AGTPBP1: variants seen among roughly 807,000 people sequenced by gnomAD.
The protein encoded by AGTPBP1 is ATP/GTP binding carboxypeptidase 1, also known as cytosolic carboxypeptidase 1.
In AGTPBP1, 70 loss-of-function variants were observed where a neutral mutation model predicts 143.9. That is an observed-to-expected ratio of 0.49 (90% CI 0.40 to 0.59). The LOEUF (loss-of-function observed/expected upper bound fraction) is 0.59, where lower values mean the gene tolerates loss of function less well. Ranked by LOEUF, AGTPBP1 falls within the 20% of genes least tolerant of loss-of-function variation. The pLI is 0.00. For synonymous variants in AGTPBP1, 463 were observed against 500.2 expected, an observed-to-expected ratio of 0.93 and a Z score of 0.99; for missense variants, 1,229 against 1,464.5, an observed-to-expected ratio of 0.84 and a Z score of 2.62.
intron 2 of AGTPBP1, among the ~76,000 whole-genome samples, chr9:85,703,541 T>C (rs956198552): frequency 2.0e-5 from 3 of 152,238 alleles, no homozygotes; most frequent in Middle Eastern, 3.2e-3. Flanking sequence ...ATGAAAAGAT[T>C]GTCAAGGATG....
intron 23 of AGTPBP1, among the ~76,000 whole-genome samples, chr9:85,582,585 C>T (rs557181193): frequency 4.1e-4 from 62 of 152,020 alleles, no homozygotes; most frequent in African/African-American, 1.4e-3. Flanking sequence ...GAGGCTGAAG[C>T]AGGACAATCA....
chr9:85,719,615 A>C (rs886374694), intron 1 of AGTPBP1, among the ~76,000 whole-genome samples: 7 of 152,182 alleles, frequency 4.6e-5, no homozygotes, highest in African/African-American at 1.7e-4. Flanking sequence ...AACAGGGGCA[A>C]TTTGACTTCC....
chr9:85,592,202 C>A (rs1829013805), intron 19 of AGTPBP1, among the ~76,000 whole-genome samples: 2 of 151,796 alleles, frequency 1.3e-5, no homozygotes, highest in African/African-American at 4.8e-5. Context: ...GGAATCTTAG[C>A]TTAGAGAACT....
intron 2 of AGTPBP1, among the ~76,000 whole-genome samples, chr9:85,711,441 CTTT>C (rs746034159): frequency 4.3e-5 from 6 of 139,276 alleles, no homozygotes; most frequent in African/African-American, 2.6e-5. Flanking sequence ...TTTTTTCTTT[CTTT>C]TTTTTTTTTT....
intron 14 of AGTPBP1, among the ~76,000 whole-genome samples, chr9:85,627,207 TAA>T (rs1297536653): frequency 6.6e-6 from 1 of 152,168 alleles, no homozygotes; most frequent in Non-Finnish European, 1.5e-5. Flanking sequence ...TCTTTGCTTT[TAA>T]AAAGTTGAGA....
At chr9:85,773,907 G>A in the AGTPBP1 span, 3 of 1,609,166 alleles carry the variant, frequency 1.9e-6, no homozygotes, top group Non-Finnish European at 2.6e-6. Flanking sequence ...GAAAGTTCTG[G>A]AACGGGATAA....
At chr9:85,573,100 C>T (rs1206939415) in intron 25 of AGTPBP1, among the ~76,000 whole-genome samples, 2 of 152,138 alleles carry the variant, frequency 1.3e-5, no homozygotes, top group East Asian at 1.9e-4. Context: ...CTCCCCCTCC[C>T]CTTCCCCACG....
intron 2 of AGTPBP1, among the ~76,000 whole-genome samples, chr9:85,709,856 A>G (rs1038717448): frequency 6.6e-6 from 1 of 152,112 alleles, no homozygotes; most frequent in African/African-American, 2.4e-5. Flanking sequence ...ACTTCTTAAT[A>G]TTTTACTAGA....
intron 18 of AGTPBP1, among the ~76,000 whole-genome samples, chr9:85,595,523 A>T (rs1276778080): frequency 4.6e-5 from 7 of 152,098 alleles, no homozygotes; most frequent in Admixed American, 3.9e-4. Flanking sequence ...GCACTTATTT[A>T]TTTTATTTAT....
chr9:85,698,386 T>G (rs968214663), intron 2 of AGTPBP1, among the ~76,000 whole-genome samples: 6 of 152,206 alleles, frequency 3.9e-5, no homozygotes, highest in Non-Finnish European at 8.8e-5. Context: ...AATCTATTTT[T>G]ATTTTCATCT....
chr9:85,768,467 A>C, the AGTPBP1 span, among the ~76,000 whole-genome samples: 1 of 151,894 alleles, frequency 6.6e-6, no homozygotes, highest in African/African-American at 2.4e-5. Flanking sequence ...AAAGTTAATA[A>C]GAAAAAAAAT....
At position 85,552,800 on chromosome 9, in the gene AGTPBP1, C is replaced by G. The variant is rs138334843; in HGVS notation, c.3504-5514G>C. Reference sequence around the variant, plus strand: ...TGCACCTCAGAACCCTCCTTTAACTCTGAACTCTTAACTCTTGAGAATAAC... The same window carrying G: ...TGCACCTCAGAACCCTCCTTTAACTGTGAACTCTTAACTCTTGAGAATAAC... On this transcript the variant is annotated intron_variant, in intron 25 of 25. Transcript: ENST00000357081. Among the ~76,000 whole-genome samples the G allele has an allele frequency of 2.1e-3, 319 of 152,322 alleles. 1 individual carries two copies. The highest frequency in any genetic ancestry group is 6.4e-3 in the African/African-American group (267 of 41,570).
intron 2 of AGTPBP1, among the ~76,000 whole-genome samples, chr9:85,703,065 T>A (rs1836772446): frequency 6.6e-6 from 1 of 152,230 alleles, no homozygotes; most frequent in East Asian, 1.9e-4. Context: ...CTGGTCCCTA[T>A]GTGTACTTAT....
chr9:85,675,382 C>T (rs935878198), intron 6 of AGTPBP1, among the ~76,000 whole-genome samples: 1 of 152,060 alleles, frequency 6.6e-6, no homozygotes, highest in African/African-American at 2.4e-5. Context: ...TTTAATATTT[C>T]ACGTGTCTTA....
intron 25 of AGTPBP1, among the ~76,000 whole-genome samples, chr9:85,570,967 A>T (rs1409773008): frequency 6.6e-6 from 1 of 152,202 alleles, no homozygotes; most frequent in Non-Finnish European, 1.5e-5. Context: ...ACTGTTAAGG[A>T]AGGGAATTAG....
chr9:85,741,316 G>A (rs1444829521), intron 1 of AGTPBP1: 1 of 985,444 alleles, frequency 1.0e-6, no homozygotes, highest in Non-Finnish European at 1.2e-6. Context: ...TCGAAGCACA[G>A]GGGCCCGCGA....
At chr9:85,650,214 A>G (rs751192989) in intron 11 of AGTPBP1, among the ~76,000 whole-genome samples, 7 of 152,072 alleles carry the variant, frequency 4.6e-5, no homozygotes, top group Non-Finnish European at 8.8e-5. Flanking sequence ...TTAGTTATTC[A>G]TATTTTCCTA....
chr9:85,631,031 C>T (rs1026322858), intron 14 of AGTPBP1, among the ~76,000 whole-genome samples: 13 of 152,316 alleles, frequency 8.5e-5, no homozygotes, highest in Middle Eastern at 3.4e-3. Context: ...AACAACCCTA[C>T]CTCTATTAGC....
chr9:85,724,308 AAG>A (rs1481023681), intron 1 of AGTPBP1, among the ~76,000 whole-genome samples: 1 of 151,808 alleles, frequency 6.6e-6, no homozygotes. Context: ...AAAAAAAAGA[AAG>A]AAATAAACAT....
Sources: allele counts gnomAD v4.1 joint callset (sites outside exome capture counted in the v4.1 genomes callset), GRCh38; gene constraint gnomAD v4.1.1; transcripts MANE v1.5; gene names NCBI Gene and HGNC (gene_info 2026-07-23, HGNC 2026-07-21).